VGLL4: variants seen among roughly 807,000 people sequenced by gnomAD.
The protein encoded by VGLL4 is transcription cofactor vestigial-like protein 4.
Under a neutral mutation model 21.0 loss-of-function variants are expected in VGLL4, and 7 were observed. The ratio of observed to expected loss-of-function variants is 0.33; its 90% CI spans 0.19 to 0.63. The LOEUF is 0.63. VGLL4 is among the 20% of genes least tolerant of loss of function. The pLI is 0.78. For missense variants in VGLL4, 394 were observed against 425.7 expected (o/e 0.93, Z 0.66); for synonymous variants, 222 against 173.2 (o/e 1.28, Z -2.21).
intron 2 of VGLL4, among the ~76,000 whole-genome samples, chr3:11,571,183 T>A (rs572537048): frequency 3.3e-4 from 51 of 152,256 alleles, no homozygotes; most frequent in African/African-American, 1.2e-3. Context: ...CTGGCTTCAA[T>A]AGCGGGGTCC....
intron 2 of VGLL4, among the ~76,000 whole-genome samples, chr3:11,572,943 G>A (rs1375803950): frequency 6.6e-6 from 1 of 152,018 alleles, no homozygotes; most frequent in Non-Finnish European, 1.5e-5. Flanking sequence ...CGAGACAGGT[G>A]GATCACCTGA....
At position 11,666,719 on chromosome 3, in the gene VGLL4, G is replaced by A. The variant is rs147828413; in HGVS notation, c.64+36252C>T. The stretch of plus-strand genomic sequence containing the variant: ...CTGGACACAGGCTTGGAAATCCAGA[G>A]CCAAAGACATTCTGTAAACACCAAA... On this transcript the variant is annotated intron_variant, in intron 2 of 5. Coordinates refer to the VGLL4 transcript ENST00000273038. Among the ~76,000 whole-genome samples, 487 of 152,230 alleles carry A rather than the reference G, an allele frequency of 3.2e-3. 2 individuals are homozygous for A. Among genetic ancestry groups the A allele is most frequent in the African/African-American group, 0.011 (457 of 41,536 alleles).
chr3:11,605,047 C>CCCCCCCCCCCCCCA (rs2074900257), intron 1 of VGLL4, among the ~76,000 whole-genome samples: 1 of 100,964 alleles, frequency 9.9e-6, no homozygotes, highest in Non-Finnish European at 2.2e-5. Flanking sequence ...CCGCCACGCC[C>CCCCCCCCCCCCCCA]CCGCCCACCC....
intron 2 of VGLL4, among the ~76,000 whole-genome samples, chr3:11,678,303 G>A (rs2076323294): frequency 2.0e-5 from 3 of 152,094 alleles, no homozygotes; most frequent in South Asian, 4.1e-4. Flanking sequence ...TGATGCATCC[G>A]CCTCAGCCTC....
At chr3:11,596,680 C>T (rs546633609) in intron 2 of VGLL4, among the ~76,000 whole-genome samples, 5 of 152,174 alleles carry the variant, frequency 3.3e-5, no homozygotes, top group South Asian at 2.1e-4. Flanking sequence ...CTGTGCTGTC[C>T]GATATGGTAG....
At position 11,558,410 on chromosome 3, in the gene VGLL4, A is replaced by G; in HGVS notation, c.*146T>C. 1 of 1,323,904 alleles carries G rather than the reference A, an allele frequency of 7.6e-7. No homozygotes were observed. The highest frequency in any genetic ancestry group is 1.5e-5 in the South Asian group (1 of 64,958). 82.0% of individuals were successfully genotyped at this position (1,323,904 alleles called of 1,614,324 possible). A position where few individuals can be genotyped will look rare whatever the true frequency, so the allele number is the denominator to read the frequency against. ...CCAAGCAAGTACAAAAACAGAACAC[A>G]AATCCCAACAACATGGTTTTTGCAA... On this transcript the variant is annotated 3_prime_UTR_variant, in exon 5 of 5. Transcript: ENST00000430365.
At chr3:11,613,690 C>G (rs190300978) in intron 1 of VGLL4, among the ~76,000 whole-genome samples, 32 of 152,298 alleles carry the variant, frequency 2.1e-4, no homozygotes, top group African/African-American at 7.2e-4. Context: ...CTCTCTTGAG[C>G]CTCTATCCAA....
chr3:11,638,568 C>T (rs1283230192), intron 1 of VGLL4, among the ~76,000 whole-genome samples: 1 of 152,094 alleles, frequency 6.6e-6, no homozygotes. Context: ...CCACTGGCCC[C>T]CACTCCCTAT....
At chr3:11,567,237 G>A (rs1369628183) in intron 2 of VGLL4, among the ~76,000 whole-genome samples, 1 of 152,162 alleles carries the variant, frequency 6.6e-6, no homozygotes, top group Non-Finnish European at 1.5e-5. Context: ...ACTCTAAATG[G>A]GGGACAAACA....
chr3:11,679,734 T>C (rs911602176), intron 2 of VGLL4, among the ~76,000 whole-genome samples: 1 of 152,112 alleles, frequency 6.6e-6, no homozygotes. Context: ...AAAGAAAGTA[T>C]TTTTGTTCAG....
chr3:11,721,016 T>C (rs1575563452), upstream of VGLL4, among the ~76,000 whole-genome samples: 1 of 152,272 alleles, frequency 6.6e-6, no homozygotes, highest in Admixed American at 6.5e-5. Flanking sequence ...GCTAACTTCA[T>C]AAAATAAATA....
At chr3:11,576,941 G>A (rs1412735266) in intron 2 of VGLL4, among the ~76,000 whole-genome samples, 1 of 152,246 alleles carries the variant, frequency 6.6e-6, no homozygotes, top group Non-Finnish European at 1.5e-5. Context: ...GCTCAGAAGT[G>A]TCTGCAAGTC....
At chr3:11,659,669 A>T (rs1240098507) in intron 2 of VGLL4, among the ~76,000 whole-genome samples, 5 of 137,510 alleles carry the variant, frequency 3.6e-5, no homozygotes, top group African/African-American at 8.1e-5. Context: ...GGGATTTCAT[A>T]AAAAAAGTGG....
In VGLL4 at chr3:11,692,432, G is replaced by T. The variant is rs527941458; in HGVS notation, c.64+10539C>A. ...CACCTGATGTTTTATGAAGCCTTTT[G>T]AATTAGAATAGACTACTGGGAGATG... is the stretch of plus-strand genomic sequence containing the variant. On this transcript the variant is annotated intron_variant, in intron 2 of 5. Transcript: ENST00000273038. Among the ~76,000 whole-genome samples the T allele has an allele frequency of 2.0e-5, 3 of 152,294 alleles. No homozygotes were observed. The East Asian group carries it at 5.8e-4, about 29-fold the overall frequency.
chr3:11,717,851 A>G (rs1425323708), intron 1 of VGLL4, among the ~76,000 whole-genome samples: 1 of 152,186 alleles, frequency 6.6e-6, no homozygotes, highest in East Asian at 1.9e-4. Flanking sequence ...TCTGTGATGT[A>G]TTGGAACTAA....
At chr3:11,638,005 C>A (rs1224564333) in intron 1 of VGLL4, among the ~76,000 whole-genome samples, 1 of 152,152 alleles carries the variant, frequency 6.6e-6, no homozygotes, top group Non-Finnish European at 1.5e-5. Flanking sequence ...ACAAAGATCG[C>A]CAGAAACATT....
chr3:11,703,026 C>T (rs769119424), exon 2 of VGLL4: 9 of 1,611,838 alleles, frequency 5.6e-6, no homozygotes, highest in South Asian at 1.1e-5. Flanking sequence ...CATCCAATGG[C>T]GTCTCCATTC....
chr3:11,592,067 C>T (rs1318989919), intron 2 of VGLL4, among the ~76,000 whole-genome samples: 3 of 152,168 alleles, frequency 2.0e-5, no homozygotes, highest in Non-Finnish European at 4.4e-5. Flanking sequence ...ACTGACCCTA[C>T]CAAGTTTAGA....
upstream of VGLL4, among the ~76,000 whole-genome samples, chr3:11,645,202 C>A (rs10547316): frequency 0.031 from 1,219 of 39,052 alleles, 14 homozygotes; most frequent in Non-Finnish European, 0.05. Context: ...AAAAAAAAAA[C>A]AAAAACTAAA....
Sources: allele counts gnomAD v4.1 joint callset (sites outside exome capture counted in the v4.1 genomes callset), GRCh38; gene constraint gnomAD v4.1.1; transcripts MANE v1.5; gene names NCBI Gene and HGNC (gene_info 2026-07-23, HGNC 2026-07-21).